The following LCLAT1 variants were observed in gnomAD, a reference collection of about 807,000 sequenced individuals.
LCLAT1 encodes the protein 1-AGP acyltransferase 8.
A neutral mutation model predicts 30.7 loss-of-function variants in LCLAT1; 11 were observed. The ratio of observed to expected loss-of-function variants is 0.36; its 90% CI spans 0.23 to 0.59. LCLAT1 has a LOEUF of 0.59. Among genes scored for constraint, LCLAT1 ranks in the 20% least tolerant of loss-of-function variants. LCLAT1 has a pLI of 0.77. For synonymous variants in LCLAT1, 155 were observed against 151.3 expected (o/e 1.02, Z -0.18); for missense variants, 402 against 458.6 (o/e 0.88, Z 1.13).
At chr2:30,595,443 G>T (rs1284081803) in intron 5 of LCLAT1, among the ~76,000 whole-genome samples, 1 of 152,038 alleles carries the variant, frequency 6.6e-6, no homozygotes, top group Admixed American at 6.6e-5. Flanking sequence ...TTCCTATTCT[G>T]CTCAACTTGG....
intron 3 of LCLAT1, among the ~76,000 whole-genome samples, chr2:30,546,282 G>A (rs1172531798): frequency 6.6e-6 from 1 of 152,078 alleles, no homozygotes; most frequent in Non-Finnish European, 1.5e-5. Context: ...CAGCCTCCCA[G>A]AATATAAACT....
At chr2:30,591,130 C>T (rs1202271989) in intron 5 of LCLAT1, among the ~76,000 whole-genome samples, 2 of 150,588 alleles carry the variant, frequency 1.3e-5, no homozygotes, top group Non-Finnish European at 3.0e-5. Flanking sequence ...GTGACTTTTG[C>T]AGTTTAGGGC....
At chr2:30,634,357 G>A (rs146916415) in intron 5 of LCLAT1, among the ~76,000 whole-genome samples, 3,223 of 152,202 alleles carry the variant, frequency 0.021, 105 homozygotes, top group African/African-American at 0.071. Flanking sequence ...CATGCGCGGC[G>A]GCTCACGCCT....
chr2:30,477,475 T>G (rs1683106479), intron 1 of LCLAT1, among the ~76,000 whole-genome samples: 1 of 152,196 alleles, frequency 6.6e-6, no homozygotes, highest in African/African-American at 2.4e-5. Context: ...TCTGGATACT[T>G]GTTTGGTGTC....
chr2:30,497,130 G>A (rs78494673), intron 1 of LCLAT1, among the ~76,000 whole-genome samples: 10,350 of 152,248 alleles, frequency 0.068, 623 homozygotes, highest in African/African-American at 0.16. Flanking sequence ...AAGATGCCCT[G>A]TGTATACCCT....
chr2:30,518,250 T>G (rs1461296546), intron 1 of LCLAT1, among the ~76,000 whole-genome samples: 1 of 152,204 alleles, frequency 6.6e-6, no homozygotes, highest in Non-Finnish European at 1.5e-5. Context: ...TTAAATCTTA[T>G]TACTATACAA....
chr2:30,524,055 A>G (rs1349509957), intron 1 of LCLAT1, among the ~76,000 whole-genome samples: 1 of 126,886 alleles, frequency 7.9e-6, no homozygotes, highest in Non-Finnish European at 1.6e-5. Flanking sequence ...CCTTTTTGCT[A>G]TATAGATTAT....
intron 1 of LCLAT1, among the ~76,000 whole-genome samples, chr2:30,513,984 G>C (rs1428379925): frequency 6.6e-6 from 1 of 152,224 alleles, no homozygotes; most frequent in Non-Finnish European, 1.5e-5. Context: ...ACGGGTGCCT[G>C]TTCTCAACCT....
At chr2:30,546,463 A>G (rs924238725) in intron 3 of LCLAT1, among the ~76,000 whole-genome samples, 1 of 152,232 alleles carries the variant, frequency 6.6e-6, no homozygotes, top group East Asian at 1.9e-4. Context: ...GAACATGATT[A>G]TAATGCATGC....
In LCLAT1 at chr2:30,640,463, C is replaced by G. The variant is rs1209535862; in HGVS notation, c.975C>G (p.Leu325=). Reference sequence around the variant, plus strand: ...TGTTCAGCCCTGCAATGTGCCTACTCATATATTTGTACAGTCTTGTTAAGT... The same window carrying G: ...TGTTCAGCCCTGCAATGTGCCTACTGATATATTTGTACAGTCTTGTTAAGT... ...WTLFSPAMCL[L]IYLYSLVKWY... Residue 325 remains leucine, a synonymous_variant, in exon 6 of 6, where the codon CTC becomes CTG. Transcript: ENST00000379509. The G allele has an allele frequency of 6.2e-7, 1 of 1,613,988 alleles. No individual in the cohort carries two copies. The highest frequency in any genetic ancestry group is 2.2e-5 in the East Asian group (1 of 44,902).
chr2:30,603,746 A>G (rs1190612087), intron 5 of LCLAT1, among the ~76,000 whole-genome samples: 1 of 152,158 alleles, frequency 6.6e-6, no homozygotes, highest in Non-Finnish European at 1.5e-5. Context: ...ACATGCATGT[A>G]AGATTATAGT....
At chr2:30,522,100 G>A (rs748703339) in intron 1 of LCLAT1, among the ~76,000 whole-genome samples, 3 of 152,156 alleles carry the variant, frequency 2.0e-5, no homozygotes, top group South Asian at 2.1e-4. Flanking sequence ...CATTCTCCCT[G>A]ACTGACATTT....
chr2:30,611,975 GGAC>G (rs1264746243), intron 5 of LCLAT1, among the ~76,000 whole-genome samples: 3 of 152,116 alleles, frequency 2.0e-5, no homozygotes, highest in African/African-American at 4.8e-5. Context: ...CAAGCTGGTG[GGAC>G]TCCCATGTGT....
At chr2:30,490,770 A>T (rs1257804380) in intron 1 of LCLAT1, among the ~76,000 whole-genome samples, 2 of 152,214 alleles carry the variant, frequency 1.3e-5, no homozygotes, top group Non-Finnish European at 2.9e-5. Context: ...AGTCATCAGT[A>T]TGCAGTATAC....
intron 5 of LCLAT1, among the ~76,000 whole-genome samples, chr2:30,634,011 A>G (rs535807764): frequency 3.9e-5 from 6 of 152,238 alleles, no homozygotes; most frequent in Non-Finnish European, 5.9e-5. Flanking sequence ...ATGTGCTCAG[A>G]GACACTTCAT....
chr2:30,608,311 A>T (rs1667560880), intron 5 of LCLAT1, among the ~76,000 whole-genome samples: 1 of 152,016 alleles, frequency 6.6e-6, no homozygotes, highest in Non-Finnish European at 1.5e-5. Flanking sequence ...AAAAAAAAAA[A>T]AAAATTTATA....
At chr2:30,585,177 C>G (rs1388902011) in intron 5 of LCLAT1, among the ~76,000 whole-genome samples, 1 of 152,098 alleles carries the variant, frequency 6.6e-6, no homozygotes, top group Non-Finnish European at 1.5e-5. Flanking sequence ...CTCCATGCCT[C>G]TTCCTTGTTT....
intron 1 of LCLAT1, among the ~76,000 whole-genome samples, chr2:30,450,948 T>G (rs77959341): frequency 6.6e-6 from 1 of 152,264 alleles, no homozygotes; most frequent in African/African-American, 2.4e-5. Context: ...AGAAGAAATT[T>G]GCAATTTATA....
chr2:30,608,367 T>C (rs1667566136), intron 5 of LCLAT1, among the ~76,000 whole-genome samples: 1 of 149,710 alleles, frequency 6.7e-6, no homozygotes, highest in Non-Finnish European at 1.5e-5. Context: ...AATTTATTAT[T>C]GATGAAAGTT....
Sources: allele counts gnomAD v4.1 joint callset (sites outside exome capture counted in the v4.1 genomes callset), GRCh38; gene constraint gnomAD v4.1.1; transcripts MANE v1.5; gene names NCBI Gene and HGNC (gene_info 2026-07-23, HGNC 2026-07-21).